EXOC8: variants seen among roughly 807,000 people sequenced by gnomAD.
EXOC8 encodes exocyst complex 84 kDa subunit.
In EXOC8, 19 loss-of-function variants were observed where a neutral mutation model predicts 50.8. That is an observed-to-expected ratio of 0.37 (90% CI 0.26 to 0.55). EXOC8 has a LOEUF of 0.55. EXOC8 is among the 20% of genes least tolerant of loss of function. The pLI, the probability that EXOC8 is intolerant of heterozygous loss-of-function variation, is 0.80. For synonymous variants in EXOC8, 384 were observed against 367.9 expected (o/e 1.04, Z -0.50); for missense variants, 781 against 915.8 (o/e 0.85, Z 1.90).
rs1396920839 is a variant in EXOC8 at position 231,337,422 on chromosome 1, G to A, written c.324C>T (p.Ala108=). Residue 108 remains alanine, a synonymous_variant, in exon 1 of 1, where the codon GCC becomes GCT. Coordinates refer to ENST00000366645, the MANE Select transcript of EXOC8 (RefSeq NM_175876.5). This position sits in a 1 kb window ranked among gnomAD's most constrained non-coding sequence, Gnocchi z 5.9. ...CGGCGGCGGCTCCGGCGGCAGCAGCGGCAGGCAGCAACGTAAGCGGGATGC... is the reference window on the plus strand; with the variant it reads ...CGGCGGCGGCTCCGGCGGCAGCAGCAGCAGGCAGCAACGTAAGCGGGATGC... ...LESIPLTLLP[A]AAAAGAAAAS... is the part of the protein sequence containing the mutation. 6.2e-7 allele frequency: 1 copy of A among 1,607,330 alleles called. No individual in the cohort carries two copies. The highest frequency in any genetic ancestry group is 1.3e-5 in the African/African-American group (1 of 74,874).
rs1558357166 is a variant in EXOC8 at position 231,335,962 on chromosome 1, C to T, written c.1784G>A (p.Ser595Asn). The T allele has an allele frequency of 6.2e-7, 1 of 1,614,216 alleles. No homozygotes were observed. The highest frequency in any genetic ancestry group is 8.5e-7 in the Non-Finnish European group (1 of 1,180,044). The part of the protein sequence containing the change: ...ALGKLKEEMK[S>N]CGVSNFEQYT... ...CTGCTCAAAGTTACTTACCCCACAACTTTTCATCTCTTCTTTGAGCTTACC... is the reference window on the plus strand; with the variant it reads ...CTGCTCAAAGTTACTTACCCCACAATTTTTCATCTCTTCTTTGAGCTTACC... Residue 595 changes from serine (S) to asparagine (N), a missense_variant, in exon 1 of 1, where the codon AGT (serine) becomes AAT (asparagine). Around this residue, in one of 3 missense-constraint regions of EXOC8, gnomAD observed 700 missense variants for 804.1 expected, o/e 0.87. Transcript: ENST00000366645.
In EXOC8 at chr1:231,337,818, G is replaced by T; in HGVS notation, c.-73C>A. The T allele has an allele frequency of 6.6e-7, 1 of 1,509,032 alleles. No individual in the cohort carries two copies. The allele number at this position is 1,509,032 out of a possible 1,614,324, so 93.5% of individuals were successfully genotyped here. A position where few individuals can be genotyped will look rare whatever the true frequency, so the allele number is the denominator to read the frequency against. On this transcript the variant is annotated 5_prime_UTR_variant, in exon 1 of 1. Transcript: ENST00000366645. The surrounding 1 kb of genome is among the most constrained non-coding windows in gnomAD (Gnocchi z 5.9). ...GCCGCGGCTGTCTAGACCCACCCAAGGCCAACCGAGCTCCTGGGCTGAGGA... is the reference window on the plus strand; with the variant it reads ...GCCGCGGCTGTCTAGACCCACCCAATGCCAACCGAGCTCCTGGGCTGAGGA...
Position 231,336,296 on chromosome 1 carries a change from C to T in EXOC8, c.1450G>A (p.Gly484Ser), listed in dbSNP as rs368929509. Residue 484 changes from glycine (G) to serine (S), a missense_variant, in exon 1 of 1, where the codon GGC becomes AGC. Around this residue, in one of 3 missense-constraint regions of EXOC8, gnomAD observed 700 missense variants for 804.1 expected, o/e 0.87. Coordinates refer to ENST00000366645, the MANE Select transcript of EXOC8 (RefSeq NM_175876.5). The surrounding 1 kb of genome is among the most constrained non-coding windows in gnomAD (Gnocchi z 5.4). Reference protein sequence around the residue: ...FEIDFAGTDSGCYSAFVVWAR... With the variant: ...FEIDFAGTDSSCYSAFVVWAR... ...CAGACCACAAAGGCAGAGTAGCAGC[C>T]GCTGTCAGTGCCTGCAAAATCGATC... is the stretch of plus-strand genomic sequence containing the variant. The T allele has an allele frequency of 4.2e-5, 68 of 1,613,954 alleles. No homozygotes were observed. Among genetic ancestry groups the T allele is most frequent in the Non-Finnish European group, 1.7e-5 (20 of 1,180,018 alleles).
At position 231,337,263 on chromosome 1, in the gene EXOC8, A is replaced by G. The variant is rs763514015; in HGVS notation, c.483T>C (p.Thr161=). The change falls in exon 1 of 1, where the codon ACT becomes ACC. Residue 161 remains threonine, a synonymous_variant. Transcript: ENST00000366645. The surrounding 1 kb of genome is among the most constrained non-coding windows in gnomAD (Gnocchi z 5.9). ...SGPGEEGKQR[T]LTTLLEKVEG... is the part of the protein sequence containing the mutation. Reference sequence around the variant, plus strand: ...CCACCTTCTCAAGCAGGGTGGTGAGAGTGCGCTGCTTTCCTTCCTCGCCTG... The same window carrying G: ...CCACCTTCTCAAGCAGGGTGGTGAGGGTGCGCTGCTTTCCTTCCTCGCCTG... The G allele has an allele frequency of 1.9e-6, 3 of 1,609,904 alleles. No homozygotes were observed.
Position 231,336,707 on chromosome 1 carries a change from A to C in EXOC8, c.1039T>G (p.Cys347Gly). 1 of 1,614,238 alleles carries C rather than the reference A, an allele frequency of 6.2e-7. No individual in the cohort carries two copies. Among genetic ancestry groups the C allele is most frequent in the Admixed American group, 1.7e-5 (1 of 60,034 alleles). Residue 347 changes from cysteine to glycine, a missense_variant, in exon 1 of 1, where the codon TGC becomes GGC. By Grantham distance (159) the Cys-to-Gly change is radical (BLOSUM62 -3). Coordinates refer to ENST00000366645, the MANE Select transcript of EXOC8 (RefSeq NM_175876.5). This position sits in a 1 kb window ranked among gnomAD's most constrained non-coding sequence, Gnocchi z 5.4. ...CCTTCAAAGTCTCTCTGCGCAATGC[A>C]GACATCCAGGTCTTCAGGTAACTCC... ...IQELPEDLDV[C>G]IAQRDFEGAV...
At position 231,337,441 on chromosome 1, in the gene EXOC8, G is replaced by C; in HGVS notation, c.305C>G (p.Pro102Arg). 1.2e-6 allele frequency: 2 copies of C among 1,610,672 alleles called. No individual in the cohort carries two copies. The highest frequency in any genetic ancestry group is 1.7e-6 in the Non-Finnish European group (2 of 1,179,900). The change falls in exon 1 of 1, where the codon CCG becomes CGG. Residue 102 changes from proline (P) to arginine (R), a missense_variant. Pro to Arg is a moderately radical substitution (Grantham distance 103). Transcript: ENST00000366645. This position sits in a 1 kb window ranked among gnomAD's most constrained non-coding sequence, Gnocchi z 5.9. The stretch of plus-strand genomic sequence containing the variant: ...AGCAGCGGCAGGCAGCAACGTAAGC[G>C]GGATGCTCTCCAGGCTGCTTTTCTG... ...TEQKSSLESI[P>R]LTLLPAAAAA... is the part of the protein sequence containing the mutation.
chr1:231,336,692 C>G lies in EXOC8; in HGVS notation c.1054G>C (p.Asp352His). 3 of 1,614,218 alleles carry G rather than the reference C, an allele frequency of 1.9e-6. No individual in the cohort carries two copies. The highest frequency in any genetic ancestry group is 2.5e-6 in the Non-Finnish European group (3 of 1,180,036). Residue 352 changes from aspartate (D) to histidine (H), a missense_variant, in exon 1 of 1, where the codon GAC (aspartate) becomes CAC (histidine). This residue lies in a region of EXOC8 where 700 missense variants were observed against 804.1 expected (regional missense o/e 0.87). Transcript: ENST00000366645. This position sits in a 1 kb window ranked among gnomAD's most constrained non-coding sequence, Gnocchi z 5.4. Reference protein sequence around the residue: ...EDLDVCIAQRDFEGAVDLLDK... With the variant: ...EDLDVCIAQRHFEGAVDLLDK... ...AGCAGGTCAACCGCCCCTTCAAAGT[C>G]TCTCTGCGCAATGCAGACATCCAGG...
In EXOC8 at chr1:231,336,149, C is replaced by T. The variant is rs1686668643; in HGVS notation, c.1597G>A (p.Gly533Ser). 6.2e-7 allele frequency: 1 copy of T among 1,614,156 alleles called. No individual in the cohort carries two copies. The highest frequency in any genetic ancestry group is 8.5e-7 in the Non-Finnish European group (1 of 1,180,030). Reference protein sequence around the residue: ...KVAKEHCQQLGDIGLDLTFII... With the variant: ...KVAKEHCQQLSDIGLDLTFII... The stretch of plus-strand genomic sequence containing the variant: ...AAGGTGAGATCCAGTCCGATATCAC[C>T]CAGTTGCTGGCAATGCTCCTTAGCC... Residue 533 changes from glycine to serine, a missense_variant, in exon 1 of 1, where the codon GGT becomes AGT. Coordinates refer to ENST00000366645, the MANE Select transcript of EXOC8 (RefSeq NM_175876.5). This position sits in a 1 kb window ranked among gnomAD's most constrained non-coding sequence, Gnocchi z 5.4.
chr1:231,336,493 A>C lies in EXOC8; in HGVS notation c.1253T>G (p.Leu418Arg). ...PKATRRAVSQ[L>R]IRLGQCTKAC... ...CTTCGTGCACTGGCCCAGCCGGATC[A>C]GTTGCGAAACTGCTCTGCGAGTAGC... The change falls in exon 1 of 1, where the codon CTG (leucine) becomes CGG (arginine). Residue 418 changes from leucine to arginine, a missense_variant. By Grantham distance (102) the Leu-to-Arg change is moderately radical. This residue lies in a region of EXOC8 where 700 missense variants were observed against 804.1 expected (regional missense o/e 0.87). Coordinates refer to ENST00000366645, the MANE Select transcript of EXOC8 (RefSeq NM_175876.5). This position sits in a 1 kb window ranked among gnomAD's most constrained non-coding sequence, Gnocchi z 5.4. 6.2e-7 allele frequency: 1 copy of C among 1,613,800 alleles called. No homozygotes were observed. The highest frequency in any genetic ancestry group is 8.5e-7 in the Non-Finnish European group (1 of 1,179,826).
rs1571984933 is a variant in EXOC8, at chr1:231,337,215, C to T, written c.531G>A (p.Glu177=). 6.2e-7 allele frequency: 1 copy of T among 1,613,860 alleles called. No individual in the cohort carries two copies. Among genetic ancestry groups the T allele is most frequent in the Admixed American group, 1.7e-5 (1 of 60,030 alleles). The change falls in exon 1 of 1, where the codon GAG becomes GAA. Residue 177 remains glutamate (E), a synonymous_variant. Transcript: ENST00000366645. The surrounding 1 kb of genome is among the most constrained non-coding windows in gnomAD (Gnocchi z 5.9). The stretch of plus-strand genomic sequence containing the variant: ...TGTACACCAAGTACTGTCCCGGCGT[C>T]TCCAGCAGATGCCTGCAGCCTTCCA... ...EKVEGCRHLL[E]TPGQYLVYNG... is the part of the protein sequence containing the mutation.
At position 231,337,143 on chromosome 1, in the gene EXOC8, C is replaced by T. The variant is rs765600733; in HGVS notation, c.603G>A (p.Gln201=). 10 of 1,614,070 alleles carry T rather than the reference C, an allele frequency of 6.2e-6. No individual in the cohort carries two copies. The Admixed American group carries it at 1.7e-4, about 27-fold the overall frequency. The change falls in exon 1 of 1, where the codon CAG becomes CAA. Residue 201 remains glutamine (Q), a synonymous_variant. Coordinates refer to ENST00000366645, the MANE Select transcript of EXOC8 (RefSeq NM_175876.5). The surrounding 1 kb of genome is among the most constrained non-coding windows in gnomAD (Gnocchi z 5.9). ...CGTTCATGAGAAAGCCGTGCACCCG[C>T]TGCAGTTGGGCCATGTGGTCCGCAT... ...EYDADHMAQL[Q]RVHGFLMNDC... is the part of the protein sequence containing the mutation.
Position 231,337,075 on chromosome 1 carries a change from A to G in EXOC8, c.671T>C (p.Met224Thr), listed in dbSNP as rs778683955. The change falls in exon 1 of 1, where the codon ATG becomes ACG. Residue 224 changes from methionine (M) to threonine (T), a missense_variant. Physicochemically the swap from Met to Thr is moderately conservative, Grantham distance 81. This residue lies in a region of EXOC8 where 700 missense variants were observed against 804.1 expected (regional missense o/e 0.87). Coordinates refer to ENST00000366645, the MANE Select transcript of EXOC8 (RefSeq NM_175876.5). This position sits in a 1 kb window ranked among gnomAD's most constrained non-coding sequence, Gnocchi z 5.9. The stretch of plus-strand genomic sequence containing the variant: ...GGAATAGAGAGCGTTGTAGCGATAC[A>G]TCCCACGCCGCTGAGGCAGCCAGGT... ...VATWLPQRRG[M>T]YRYNALYSLD... is the part of the protein sequence containing the mutation. The G allele has an allele frequency of 6.2e-7, 1 of 1,614,072 alleles. No individual in the cohort carries two copies. Among genetic ancestry groups the G allele is most frequent in the South Asian group, 1.1e-5 (1 of 91,084 alleles).
In EXOC8 at chr1:231,337,084, C is replaced by T. The variant is rs973673997; in HGVS notation, c.662G>A (p.Arg221Gln). ...AGCGTTGTAGCGATACATCCCACGC[C>T]GCTGAGGCAGCCAGGTAGCCACCAA... ...CLLVATWLPQ[R>Q]RGMYRYNALY... is the part of the protein sequence containing the mutation. The change falls in exon 1 of 1, where the codon CGG (arginine) becomes CAG (glutamine). Residue 221 changes from arginine (R) to glutamine (Q), a missense_variant. This residue lies in a region of EXOC8 where 700 missense variants were observed against 804.1 expected (regional missense o/e 0.87). Coordinates refer to ENST00000366645, the MANE Select transcript of EXOC8 (RefSeq NM_175876.5). The surrounding 1 kb of genome is among the most constrained non-coding windows in gnomAD (Gnocchi z 5.9). The T allele has an allele frequency of 1.9e-6, 3 of 1,614,100 alleles. No individual in the cohort carries two copies. Among genetic ancestry groups the T allele is most frequent in the Non-Finnish European group, 2.5e-6 (3 of 1,180,044 alleles).
Position 231,336,859 on chromosome 1 carries a change from G to A in EXOC8, c.887C>T (p.Ala296Val), listed in dbSNP as rs774226282. The part of the protein sequence containing the change: ...EKRRREQEEA[A>V]APRGPPQVTS... Reference sequence around the variant, plus strand: ...CACTTGGGGTGGCCCTCGAGGGGCCGCTGCCTCCTCCTGCTCCCTTCGCCT... The same window carrying A: ...CACTTGGGGTGGCCCTCGAGGGGCCACTGCCTCCTCCTGCTCCCTTCGCCT... The change falls in exon 1 of 1, where the codon GCG (alanine) becomes GTG (valine). Residue 296 changes from alanine to valine, a missense_variant. Physicochemically the swap from Ala to Val is moderately conservative, Grantham distance 64 (BLOSUM62 0). This residue lies in a region of EXOC8 where 700 missense variants were observed against 804.1 expected (regional missense o/e 0.87). Transcript: ENST00000366645. The surrounding 1 kb of genome is among the most constrained non-coding windows in gnomAD (Gnocchi z 5.4). The A allele has an allele frequency of 4.3e-6, 7 of 1,614,058 alleles. No homozygotes were observed. Among genetic ancestry groups the A allele is most frequent in the Non-Finnish European group, 5.9e-6 (7 of 1,180,038 alleles).
rs1686598097 is a variant in EXOC8 at position 231,333,087 on chromosome 1, C to T, written c.*2481G>A. 1 of 152,098 alleles carries T rather than the reference C, an allele frequency of 6.6e-6. No individual in the cohort carries two copies. 9.4% of individuals were successfully genotyped at this position (152,098 alleles called of 1,614,324 possible). On this transcript the variant is annotated 3_prime_UTR_variant, in exon 1 of 1. Coordinates refer to ENST00000366645, the MANE Select transcript of EXOC8 (RefSeq NM_175876.5). Reference sequence around the variant, plus strand: ...AAGCTCAAGTAACAAGTTTTATATTCTTGAAGCAAACAAGAAAAGGCAATC... The same window carrying T: ...AAGCTCAAGTAACAAGTTTTATATTTTTGAAGCAAACAAGAAAAGGCAATC...
In EXOC8 at chr1:231,337,303, C is replaced by A. The variant is rs368706952; in HGVS notation, c.443G>T (p.Arg148Leu). 2.5e-6 allele frequency: 4 copies of A among 1,603,728 alleles called. No homozygotes were observed. In the African/African-American group the frequency reaches 5.3e-5, roughly 21 times the overall value. Reference protein sequence around the residue: ...GFFSTPGGASRDGSGPGEEGK... With the variant: ...GFFSTPGGASLDGSGPGEEGK... ...TTCCTCGCCTGGACCGGAGCCGTCG[C>A]GGGAGGCACCCCCGGGGGTGGAGAA... Residue 148 changes from arginine to leucine, a missense_variant, in exon 1 of 1, where the codon CGC becomes CTC. Arg to Leu is a moderately radical substitution (Grantham distance 102). Coordinates refer to ENST00000366645, the MANE Select transcript of EXOC8 (RefSeq NM_175876.5). This position sits in a 1 kb window ranked among gnomAD's most constrained non-coding sequence, Gnocchi z 5.9.
Position 231,336,648 on chromosome 1 carries a change from G to A in EXOC8, c.1098C>T (p.Tyr366=). The A allele has an allele frequency of 1.2e-6, 2 of 1,614,162 alleles. No homozygotes were observed. Among genetic ancestry groups the A allele is most frequent in the Non-Finnish European group, 1.7e-6 (2 of 1,180,034 alleles). ...AVDLLDKLNH[Y]LEDKPSPPPV... ...GAGGTGGGCTAGGTTTATCTTCCAG[G>A]TAATGGTTCAATTTATCCAGCAGGT... Residue 366 remains tyrosine (Y), a synonymous_variant, in exon 1 of 1, where the codon TAC becomes TAT. Transcript: ENST00000366645. The surrounding 1 kb of genome is among the most constrained non-coding windows in gnomAD (Gnocchi z 5.4).
In EXOC8 at chr1:231,337,781, G is replaced by T. The variant is rs554011942; in HGVS notation, c.-36C>A. 3.6e-5 allele frequency: 56 copies of T among 1,545,928 alleles called. 1 individual carries two copies. The South Asian group carries it at 6.2e-4, about 17-fold the overall frequency. On this transcript the variant is annotated 5_prime_UTR_variant, in exon 1 of 1. Coordinates refer to ENST00000366645, the MANE Select transcript of EXOC8 (RefSeq NM_175876.5). The surrounding 1 kb of genome is among the most constrained non-coding windows in gnomAD (Gnocchi z 5.9). ...GTCTCACGCACTCACTGTCACTATC[G>T]GCGCCGCAGCCGCCGCGGCTGTCTA...
In EXOC8 at chr1:231,337,653, G is replaced by A. The variant is rs775517129; in HGVS notation, c.93C>T (p.Leu31=). The A allele has an allele frequency of 4.3e-6, 7 of 1,610,090 alleles. No homozygotes were observed. In the South Asian group the frequency reaches 5.5e-5, roughly 13 times the overall value. Residue 31 remains leucine, a synonymous_variant, in exon 1 of 1, where the codon CTC becomes CTT. Coordinates refer to ENST00000366645, the MANE Select transcript of EXOC8 (RefSeq NM_175876.5). This position sits in a 1 kb window ranked among gnomAD's most constrained non-coding sequence, Gnocchi z 5.9. ...CCCGGTCCCCATCCGACTGCTGCGA[G>A]AGCTGCTTCACGTACAGCCGCGCCT... is the stretch of plus-strand genomic sequence containing the variant. ...GFEARLYVKQ[L]SQQSDGDRDL...
Sources: gnomAD v4.1 joint callset for allele counts on GRCh38, gnomAD v4.1.1 for gene constraint, gnomAD v4.1.1 regional missense constraint, Gnocchi (gnomAD v3.1) non-coding constraint, MANE v1.5 for transcripts, NCBI Gene and HGNC (gene_info 2026-07-23, HGNC 2026-07-21) for gene names.